The following CDKAL1 variants were observed in gnomAD, a reference collection of about 807,000 sequenced individuals.
CDKAL1 encodes CDKAL1 threonylcarbamoyladenosine tRNA methylthiotransferase, also known as threonylcarbamoyladenosine tRNA methylthiotransferase.
In CDKAL1, 32 loss-of-function variants were observed where a neutral mutation model predicts 68.2. The ratio of observed to expected loss-of-function variants is 0.47; its 90% CI spans 0.35 to 0.63. The LOEUF (loss-of-function observed/expected upper bound fraction) is 0.63. Among genes scored for constraint, CDKAL1 ranks in the 30% least tolerant of loss-of-function variants. CDKAL1 has a pLI of 0.00. For synonymous variants in CDKAL1, 234 were observed against 244.3 expected, an observed-to-expected ratio of 0.96 and a Z score of 0.39; for missense variants, 606 against 696.7, an observed-to-expected ratio of 0.87 and a Z score of 1.47.
chr6:21,225,938 A>G (rs1406949940), intron 15 of CDKAL1, among the ~76,000 whole-genome samples: 2 of 152,232 alleles, frequency 1.3e-5, no homozygotes, highest in Non-Finnish European at 2.9e-5. Flanking sequence ...ATATATATCT[A>G]ATTTAATCCT....
chr6:20,969,372 G>T (rs1488912013), intron 10 of CDKAL1, among the ~76,000 whole-genome samples: 1 of 152,146 alleles, frequency 6.6e-6, no homozygotes, highest in African/African-American at 2.4e-5. Context: ...TCATTAAGTG[G>T]AAGTGGATCA....
intron 5 of CDKAL1, among the ~76,000 whole-genome samples, chr6:20,670,714 A>G (rs1581352747): frequency 6.6e-6 from 1 of 152,216 alleles, no homozygotes; most frequent in African/African-American, 2.4e-5. Context: ...ATGTCATAGA[A>G]TAAATATACA....
intron 10 of CDKAL1, among the ~76,000 whole-genome samples, chr6:20,974,588 T>A (rs533707183): frequency 2.6e-5 from 4 of 152,278 alleles, no homozygotes; most frequent in African/African-American, 9.6e-5. Context: ...TATATAACAT[T>A]GATATCGTAA....
At chr6:20,706,861 TA>T (rs796646287) in intron 5 of CDKAL1, among the ~76,000 whole-genome samples, 24 of 135,872 alleles carry the variant, frequency 1.8e-4, no homozygotes, top group African/African-American at 4.4e-4. Context: ...ATCTGTTACT[TA>T]AAAAAAAAAT....
At chr6:20,815,239 A>G (rs1776994894) in intron 8 of CDKAL1, among the ~76,000 whole-genome samples, 1 of 152,176 alleles carries the variant, frequency 6.6e-6, no homozygotes, top group Non-Finnish European at 1.5e-5. Flanking sequence ...GTCAGATTTC[A>G]GAATTATTAC....
At chr6:20,961,624 G>A (rs112754998) in intron 10 of CDKAL1, among the ~76,000 whole-genome samples, 3,083 of 152,104 alleles carry the variant, frequency 0.02, 111 homozygotes, top group African/African-American at 0.07. Flanking sequence ...AAAATTAGCC[G>A]GGTGTGGTGG....
intron 8 of CDKAL1, among the ~76,000 whole-genome samples, chr6:20,830,454 G>A (rs1322193658): frequency 2.7e-5 from 4 of 147,068 alleles, no homozygotes; most frequent in African/African-American, 7.7e-5. Flanking sequence ...GAATTTGTAT[G>A]ATATGTTTCA....
At chr6:20,971,754 C>T (rs6913817) in intron 10 of CDKAL1, among the ~76,000 whole-genome samples, 13,947 of 152,120 alleles carry the variant, frequency 0.092, 1,089 homozygotes, top group African/African-American at 0.22. Context: ...TTAGTTGAAT[C>T]GTGATCATTC....
At chr6:20,814,617 T>G (rs1289457903) in intron 8 of CDKAL1, among the ~76,000 whole-genome samples, 11 of 152,240 alleles carry the variant, frequency 7.2e-5, no homozygotes, top group Non-Finnish European at 1.5e-4. Context: ...TATGCAGCTA[T>G]TGAACAGCTT....
At chr6:21,039,873 C>T (rs889001226) in intron 11 of CDKAL1, among the ~76,000 whole-genome samples, 1 of 152,116 alleles carries the variant, frequency 6.6e-6, no homozygotes, top group Non-Finnish European at 1.5e-5. Flanking sequence ...TCTGTCCATG[C>T]ATGACAGTTT....
intron 12 of CDKAL1, among the ~76,000 whole-genome samples, chr6:21,106,524 G>A (rs772830747): frequency 2.0e-5 from 3 of 152,200 alleles, no homozygotes; most frequent in Non-Finnish European, 4.4e-5. Flanking sequence ...TGCAGTGAGC[G>A]ATGATTGTGC....
chr6:20,829,556 A>G (rs578228265), intron 8 of CDKAL1, among the ~76,000 whole-genome samples: 13 of 152,330 alleles, frequency 8.5e-5, no homozygotes, highest in Admixed American at 6.5e-4. Context: ...CCTTAGTCAT[A>G]TGGGTTAAAC....
chr6:20,676,027 G>A (rs1005367504), intron 5 of CDKAL1, among the ~76,000 whole-genome samples: 1 of 151,758 alleles, frequency 6.6e-6, no homozygotes, highest in African/African-American at 2.4e-5. Flanking sequence ...TGTTCAAAAG[G>A]TAAATTAAAC....
Position 20,736,499 on chromosome 6 carries a change from G to A in CDKAL1, c.372-3020G>A, listed in dbSNP as rs147922592. On this transcript the variant is annotated intron_variant, in intron 5 of 15. Transcript: ENST00000274695. ...TTTTAAAAATCTTCCGGCCGGGGGC[G>A]GTGGCTCACGCCTGTAATCCCAGCA... Among the ~76,000 whole-genome samples, 1,013 of 152,112 alleles carry A rather than the reference G, an allele frequency of 6.7e-3. 13 individuals carry two copies. The highest frequency in any genetic ancestry group is 0.048 in the South Asian group (232 of 4,806).
intron 9 of CDKAL1, among the ~76,000 whole-genome samples, chr6:20,894,385 C>G: frequency 7.6e-6 from 1 of 130,726 alleles, no homozygotes; most frequent in East Asian, 2.3e-4. Flanking sequence ...GCCTACACCC[C>G]ACATACTTTT....
intron 13 of CDKAL1, among the ~76,000 whole-genome samples, chr6:21,170,723 A>T (rs1040148685): frequency 5.3e-5 from 8 of 152,166 alleles, no homozygotes; most frequent in African/African-American, 1.7e-4. Flanking sequence ...TGCAATGAAT[A>T]TGTTTTACTG....
chr6:21,034,575 C>A (rs927849453), intron 11 of CDKAL1, among the ~76,000 whole-genome samples: 1 of 152,132 alleles, frequency 6.6e-6, no homozygotes, highest in African/African-American at 2.4e-5. Context: ...TTCTAAAGCA[C>A]ACATGTAGCT....
At chr6:20,575,435 G>C (rs1456634900) in intron 4 of CDKAL1, among the ~76,000 whole-genome samples, 2 of 109,280 alleles carry the variant, frequency 1.8e-5, no homozygotes, top group Non-Finnish European at 3.6e-5. Context: ...ATAAACAGGG[G>C]CACCACAAAA....
At chr6:20,621,153 G>A (rs1055522639) in intron 4 of CDKAL1, among the ~76,000 whole-genome samples, 1 of 152,014 alleles carries the variant, frequency 6.6e-6, no homozygotes, top group Non-Finnish European at 1.5e-5. Flanking sequence ...TTTTTTGGTG[G>A]TGGTTTTTCA....
Sources: allele counts gnomAD v4.1 joint callset (sites outside exome capture counted in the v4.1 genomes callset), GRCh38; gene constraint gnomAD v4.1.1; transcripts MANE v1.5; gene names NCBI Gene and HGNC (gene_info 2026-07-23, HGNC 2026-07-21).